The following SMIM14 variants were observed in gnomAD, a reference collection of about 807,000 sequenced individuals.
The protein encoded by SMIM14 is small integral membrane protein 14.
A neutral mutation model predicts 12.6 loss-of-function variants in SMIM14; 5 were observed. That is an observed-to-expected ratio of 0.40 (90% CI 0.21 to 0.83). The LOEUF (loss-of-function observed/expected upper bound fraction) is 0.83, where lower values mean the gene tolerates loss of function less well. Ranked by LOEUF, SMIM14 falls within the 40% of genes least tolerant of loss-of-function variation. SMIM14 has a pLI of 0.37. For synonymous variants in SMIM14, 30 were observed against 40.1 expected (o/e 0.75, Z 0.95); for missense variants, 86 against 119.1 (o/e 0.72, Z 1.29).
chr4:39,597,780 C>A (rs570389374), intron 2 of SMIM14, among the ~76,000 whole-genome samples: 2 of 152,028 alleles, frequency 1.3e-5, no homozygotes, highest in South Asian at 4.2e-4. Flanking sequence ...TGTAGCTGTA[C>A]CTCACTACAT....
intron 2 of SMIM14, among the ~76,000 whole-genome samples, chr4:39,598,541 C>T (rs1226282234): frequency 2.0e-5 from 3 of 151,820 alleles, no homozygotes; most frequent in South Asian, 2.1e-4. Context: ...TCCCTGACCC[C>T]GTGTATACTC....
chr4:39,598,093 C>T (rs951047629), intron 2 of SMIM14, among the ~76,000 whole-genome samples: 3 of 152,154 alleles, frequency 2.0e-5, no homozygotes, highest in African/African-American at 7.2e-5. Flanking sequence ...GTCCTCCCCA[C>T]AAAAAGTTTT....
intron 1 of SMIM14, among the ~76,000 whole-genome samples, chr4:39,627,952 A>C (rs2109253924): frequency 6.6e-6 from 1 of 152,274 alleles, no homozygotes; most frequent in Admixed American, 6.5e-5. Flanking sequence ...GTTTTCTAAA[A>C]TTTCCACCCA....
At chr4:39,569,800 A>G (rs1712791239) in intron 3 of SMIM14, among the ~76,000 whole-genome samples, 2 of 152,214 alleles carry the variant, frequency 1.3e-5, no homozygotes, top group Admixed American at 6.5e-5. Flanking sequence ...AGGAAGTAGC[A>G]AACAGAAGAA....
chr4:39,571,790 A>G (rs956475207), intron 3 of SMIM14, among the ~76,000 whole-genome samples: 2 of 151,824 alleles, frequency 1.3e-5, no homozygotes, highest in East Asian at 3.9e-4. Flanking sequence ...ATCTTTAACT[A>G]TTCTGGAAGT....
intron 1 of SMIM14, among the ~76,000 whole-genome samples, chr4:39,628,189 C>T (rs1483419563): frequency 6.6e-6 from 1 of 151,594 alleles, no homozygotes; most frequent in Non-Finnish European, 1.5e-5. Context: ...TGCCTGTACA[C>T]CCAGCTACTC....
Position 39,574,358 on chromosome 4 carries a change from ATTC to A in SMIM14, c.76-1898_76-1896del, listed in dbSNP as rs1346111610. Reference sequence around the variant, plus strand: ...AACCTCTGCCTCCCGGGTTCAAGCAATTCTTCTGCTTCAGCCTCCCTACAGGTG... The same window carrying A: ...AACCTCTGCCTCCCGGGTTCAAGCAATTCTGCTTCAGCCTCCCTACAGGTG... On this transcript the variant is annotated intron_variant, in intron 2 of 4. Transcript: ENST00000295958. Among the ~76,000 whole-genome samples the A allele has an allele frequency of 2.0e-5, 3 of 151,548 alleles. No homozygotes were observed. In the East Asian group the frequency reaches 5.8e-4, roughly 29 times the overall value.
chr4:39,577,520 T>C (rs961103062), intron 2 of SMIM14, among the ~76,000 whole-genome samples: 6 of 151,144 alleles, frequency 4.0e-5, no homozygotes, highest in Non-Finnish European at 7.4e-5. Flanking sequence ...CTCCACCTCC[T>C]GGATTCAAGT....
intron 1 of SMIM14, chr4:39,638,153 G>A (rs1560314557): frequency 6.6e-6 from 1 of 152,204 alleles, no homozygotes; most frequent in Non-Finnish European, 1.5e-5. Flanking sequence ...CCAATAAAGG[G>A]TGCTGCTACC....
intron 2 of SMIM14, among the ~76,000 whole-genome samples, chr4:39,595,698 T>C (rs1425729644): frequency 2.7e-5 from 4 of 150,366 alleles, no homozygotes; most frequent in Non-Finnish European, 5.9e-5. Context: ...AACCTCTGCC[T>C]CCTGGGCTCA....
chr4:39,595,627 G>C (rs867396880), intron 2 of SMIM14, among the ~76,000 whole-genome samples: 4 of 55,064 alleles, frequency 7.3e-5, no homozygotes, highest in Non-Finnish European at 1.4e-4. Context: ...TTTTTTTTTT[G>C]AGACAGAGTC....
chr4:39,561,510 C>T (rs1223385684), intron 3 of SMIM14, among the ~76,000 whole-genome samples: 1 of 152,140 alleles, frequency 6.6e-6, no homozygotes, highest in Non-Finnish European at 1.5e-5. Flanking sequence ...TAGTCATGCC[C>T]AGCCATGACT....
intron 4 of SMIM14, 31 bp from the exon 5 acceptor site, chr4:39,552,189 T>A (rs1450345490): frequency 1.3e-6 from 2 of 1,541,174 alleles, no homozygotes; most frequent in South Asian, 1.3e-5. Flanking sequence ...ATTATTTAAT[T>A]GACTTTTTAA....
chr4:39,584,806 A>AAG (rs1167892851), intron 2 of SMIM14, among the ~76,000 whole-genome samples: 67 of 150,590 alleles, frequency 4.4e-4, no homozygotes, highest in Non-Finnish European at 1.0e-4. Context: ...AAAAAAAAAA[A>AAG]AAAAAGAAAA....
Position 39,548,311 on chromosome 4 carries a change from C to T in SMIM14, c.*3815G>A, listed in dbSNP as rs1272333793. On this transcript the variant is annotated 3_prime_UTR_variant, in exon 5 of 5. Transcript: ENST00000295958. Reference sequence around the variant, plus strand: ...AAACAAATGCAACAAAACAACCTCCCACTATTATTGTGCATAAAAACACAT... The same window carrying T: ...AAACAAATGCAACAAAACAACCTCCTACTATTATTGTGCATAAAAACACAT... 6.6e-6 allele frequency: 1 copy of T among 152,118 alleles called. No homozygotes were observed. The highest frequency in any genetic ancestry group is 2.4e-5 in the African/African-American group (1 of 41,404). 9.4% of individuals were successfully genotyped at this position (152,118 alleles called of 1,614,324 possible). A position where few individuals can be genotyped will look rare whatever the true frequency, so the allele number is the denominator to read the frequency against.
chr4:39,590,525 G>A (rs1465992058), intron 2 of SMIM14, among the ~76,000 whole-genome samples: 1 of 152,108 alleles, frequency 6.6e-6, no homozygotes, highest in Non-Finnish European at 1.5e-5. Context: ...TTATCGGCTG[G>A]GCGTGGTGGC....
At chr4:39,561,037 TTC>T (rs1712284881) in intron 3 of SMIM14, among the ~76,000 whole-genome samples, 1 of 145,440 alleles carries the variant, frequency 6.9e-6, no homozygotes, top group Non-Finnish European at 1.5e-5. Context: ...TGATTTTTTT[TTC>T]TTTTTTTTTA....
intron 2 of SMIM14, among the ~76,000 whole-genome samples, chr4:39,583,049 C>A (rs1713599804): frequency 6.6e-6 from 1 of 152,066 alleles, no homozygotes; most frequent in African/African-American, 2.4e-5. Context: ...GCCTCAGCCT[C>A]CCAAAGTACT....
At chr4:39,619,780 TTA>T (rs902621488) in intron 1 of SMIM14, among the ~76,000 whole-genome samples, 13 of 139,900 alleles carry the variant, frequency 9.3e-5, no homozygotes, top group African/African-American at 2.6e-4. Context: ...AAATAATTTA[TTA>T]TATATATTTA....
Sources: gnomAD v4.1 joint callset for allele counts (sites outside exome capture counted in the v4.1 genomes callset) on GRCh38, gnomAD v4.1.1 for gene constraint, MANE v1.5 for transcripts, NCBI Gene and HGNC (gene_info 2026-07-23, HGNC 2026-07-21) for gene names.